Variants in BICC1 observed in about 807,000 individuals in gnomAD.
BICC1 encodes protein bicaudal C homolog 1.
In BICC1, 43 loss-of-function variants were observed where a neutral mutation model predicts 111.0. The observed-to-expected ratio is 0.39, with a 90% confidence interval of 0.30 to 0.50. BICC1 has a LOEUF of 0.50. BICC1 is among the 20% of genes least tolerant of loss of function. The probability of loss-of-function intolerance (pLI) is 0.88; values close to 1 mark genes in which losing one functional copy is unlikely to be tolerated. For synonymous variants in BICC1, 467 were observed against 434.4 expected (o/e 1.07, Z -0.93); for missense variants, 1,091 against 1,203.2 (o/e 0.91, Z 1.38).
chr10:58,745,228 G>C lies in BICC1; in HGVS notation c.308-39773G>C, dbSNP rs1462202732. On this transcript the variant is annotated intron_variant, in intron 3 of 20. Coordinates refer to ENST00000373886, the MANE Select transcript of BICC1 (RefSeq NM_001080512.3). ...CACATCATAAAGTCCTGGCTTAGGGGATTGGGCTCTGGAACTTGACTAACT... is the reference window on the plus strand; with the variant it reads ...CACATCATAAAGTCCTGGCTTAGGGCATTGGGCTCTGGAACTTGACTAACT... 3.3e-5 allele frequency among the ~76,000 whole-genome samples: 5 copies of C among 152,088 alleles called. No homozygotes were observed. In the East Asian group the frequency reaches 7.7e-4, roughly 23 times the overall value.
Position 58,817,612 on chromosome 10 carries a change from A to T in BICC1, c.2584A>T (p.Thr862Ser). ...TTACATGGACTGCATTTCCTCGCTG[A>T]CAGGAAGCAATGGCTGTAACTTAAA... Reference protein sequence around the residue: ...SNYMDCISSLTGSNGCNLNSS... With the variant: ...SNYMDCISSLSGSNGCNLNSS... Residue 862 changes from threonine (T) to serine (S), a missense_variant, in exon 19 of 21, where the codon ACA (threonine) becomes TCA (serine). This residue lies in a region of BICC1 where 231 missense variants were observed against 256.2 expected (regional missense o/e 0.90). Transcript: ENST00000373886. 2 of 1,613,568 alleles carry T rather than the reference A, an allele frequency of 1.2e-6. No homozygotes were observed. Among genetic ancestry groups the T allele is most frequent in the Non-Finnish European group, 8.5e-7 (1 of 1,179,644 alleles).
chr10:58,798,576 G>T lies in BICC1; in HGVS notation c.1528+16G>T. 1 of 1,565,970 alleles carries T rather than the reference G, an allele frequency of 6.4e-7. No homozygotes were observed. Among genetic ancestry groups the T allele is most frequent in the Non-Finnish European group, 8.6e-7 (1 of 1,160,852 alleles). The stretch of plus-strand genomic sequence containing the variant: ...AGTGCCACAGGTCAGTATCATTTAA[G>T]TATATTCCAAGTTGTGTATTCTTAG... On this transcript the variant is annotated intron_variant, in intron 11 of 20. Transcript: ENST00000373886.
chr10:58,662,464 A>C (rs1483880898), intron 2 of BICC1, among the ~76,000 whole-genome samples: 1 of 152,230 alleles, frequency 6.6e-6, no homozygotes, highest in Non-Finnish European at 1.5e-5. Context: ...GGAATGTGAA[A>C]CCAGAAGTCA....
intron 1 of BICC1, among the ~76,000 whole-genome samples, chr10:58,535,983 G>C (rs1842816599): frequency 6.6e-6 from 1 of 150,380 alleles, no homozygotes; most frequent in African/African-American, 2.4e-5. Context: ...AAAAAGACAA[G>C]GTCATTATAC....
intron 2 of BICC1, chr10:58,648,610 T>C (rs145095623): frequency 2.0e-6 from 2 of 984,856 alleles, no homozygotes; most frequent in East Asian, 2.3e-4. Context: ...TCTCTCTCTC[T>C]TTCTCTCTTA....
At chr10:58,598,826 TA>T (rs1057202520) in intron 1 of BICC1, among the ~76,000 whole-genome samples, 3 of 151,688 alleles carry the variant, frequency 2.0e-5, no homozygotes, top group Admixed American at 2.0e-4. Flanking sequence ...AACAACCCCA[TA>T]AAAAAATGGG....
At chr10:58,680,273 A>G (rs1486775485) in intron 2 of BICC1, among the ~76,000 whole-genome samples, 1 of 152,190 alleles carries the variant, frequency 6.6e-6, no homozygotes, top group Non-Finnish European at 1.5e-5. Flanking sequence ...ATATGTTTGT[A>G]TATTTGGAAA....
At chr10:58,785,348 T>C (rs1842981953) in intron 4 of BICC1, among the ~76,000 whole-genome samples, 1 of 152,168 alleles carries the variant, frequency 6.6e-6, no homozygotes, top group Admixed American at 6.5e-5. Flanking sequence ...CGTGTATGTA[T>C]GTGTATATAT....
At chr10:58,710,056 C>T (rs573708145) in intron 3 of BICC1, among the ~76,000 whole-genome samples, 3 of 152,294 alleles carry the variant, frequency 2.0e-5, no homozygotes, top group Admixed American at 6.5e-5. Context: ...TTGTTGAAAC[C>T]TCCTGGGGTC....
chr10:58,568,070 G>A (rs1620404), intron 1 of BICC1, among the ~76,000 whole-genome samples: 69,806 of 151,922 alleles, frequency 0.46, 17,074 homozygotes, highest in Admixed American at 0.62. Context: ...ACAACTTTCT[G>A]GCTATCTGAG....
At chr10:58,769,376 ATGTGTG>A (rs71006205) in intron 3 of BICC1, among the ~76,000 whole-genome samples, 16 of 73,344 alleles carry the variant, frequency 2.2e-4, no homozygotes, top group South Asian at 5.6e-4. Context: ...TTTATAATGT[ATGTGTG>A]TGTGTGTGTG....
chr10:58,684,729 T>C (rs1417704208), intron 2 of BICC1, among the ~76,000 whole-genome samples: 1 of 152,242 alleles, frequency 6.6e-6, no homozygotes, highest in East Asian at 1.9e-4. Context: ...ATATCCCCTT[T>C]ATCATTTTTT....
intron 1 of BICC1, among the ~76,000 whole-genome samples, chr10:58,561,932 T>C (rs1166886106): frequency 1.3e-5 from 2 of 152,170 alleles, no homozygotes; most frequent in African/African-American, 4.8e-5. Context: ...TTCAGCATTT[T>C]GAATATATAA....
intron 6 of BICC1, among the ~76,000 whole-genome samples, chr10:58,789,031 T>C (rs1447430627): frequency 6.6e-6 from 1 of 151,768 alleles, no homozygotes; most frequent in Non-Finnish European, 1.5e-5. Flanking sequence ...GTGGAGGCTG[T>C]AGTGAGCTGG....
chr10:58,571,942 A>G (rs1468243317), intron 1 of BICC1, among the ~76,000 whole-genome samples: 3 of 152,156 alleles, frequency 2.0e-5, no homozygotes, highest in Non-Finnish European at 4.4e-5. Flanking sequence ...ACTAATTTGT[A>G]CTACCACCAA....
rs1840591279 is a variant in BICC1, at chr10:58,712,016, A to G, written c.307+9873A>G. On this transcript the variant is annotated intron_variant, in intron 3 of 20. Transcript: ENST00000373886. ...CTTTTTAAAACCTAACAATAAGAAA[A>G]CAACCTGATTTTAAAAGTGGGTCAA... Among the ~76,000 whole-genome samples the G allele has an allele frequency of 2.6e-5, 4 of 152,250 alleles. No homozygotes were observed. The South Asian group carries it at 8.3e-4, about 32-fold the overall frequency.
At chr10:58,765,599 C>A (rs1842435470) in intron 3 of BICC1, among the ~76,000 whole-genome samples, 1 of 152,164 alleles carries the variant, frequency 6.6e-6, no homozygotes, top group African/African-American at 2.4e-5. Context: ...TGTGCCCTGT[C>A]AAGACGGGAG....
At chr10:58,572,126 ATGTCT>A (rs1843973446) in intron 1 of BICC1, among the ~76,000 whole-genome samples, 1 of 152,008 alleles carries the variant, frequency 6.6e-6, no homozygotes, top group African/African-American at 2.4e-5. Flanking sequence ...GGCCGCATGT[ATGTCT>A]TAAGAAGTGT....
chr10:58,606,424 AG>A (rs1431896508), intron 1 of BICC1, among the ~76,000 whole-genome samples: 2 of 27,056 alleles, frequency 7.4e-5, no homozygotes, highest in African/African-American at 3.2e-4. Flanking sequence ...GGGGTGGGGG[AG>A]GGGGGAGGGA....
Sources: allele counts gnomAD v4.1 joint callset (sites outside exome capture counted in the v4.1 genomes callset), GRCh38; gene constraint gnomAD v4.1.1; regional missense constraint gnomAD v4.1.1; transcripts MANE v1.5; gene names NCBI Gene and HGNC (gene_info 2026-07-23, HGNC 2026-07-21).